Variants in ARID5A observed in about 807,000 individuals in gnomAD.
The protein encoded by ARID5A is AT-rich interactive domain-containing protein 5A.
A neutral mutation model predicts 30.5 loss-of-function variants in ARID5A; 14 were observed. The ratio of observed to expected loss-of-function variants is 0.46; its 90% CI spans 0.30 to 0.72. The LOEUF (loss-of-function observed/expected upper bound fraction) is 0.72. ARID5A is among the 30% of genes least tolerant of loss of function. ARID5A has a pLI of 0.07. For missense variants in ARID5A, 669 were observed against 786.2 expected (o/e 0.85, Z 1.78); for synonymous variants, 338 against 340.4 (o/e 0.99, Z 0.08).
Position 96,550,107 on chromosome 2 carries a change from C to T in ARID5A, c.313-81C>T, listed in dbSNP as rs1332393179. ...CTGCCAAACTGCAGTCCTTCGAGTC[C>T]CTGCGAGGGCGGCCGGAGCTGCAAG... is the stretch of plus-strand genomic sequence containing the variant. On this transcript the variant is annotated intron_variant, in intron 4 of 6. Transcript: ENST00000357485. The surrounding 1 kb of genome is among the most constrained non-coding windows in gnomAD (Gnocchi z 6.6). The T allele has an allele frequency of 4.6e-6, 7 of 1,531,620 alleles. No individual in the cohort carries two copies. The highest frequency in any genetic ancestry group is 1.2e-5 in the South Asian group (1 of 83,790). The allele number at this position is 1,531,620 out of a possible 1,614,324, so 94.9% of individuals were successfully genotyped here.
intron 1 of ARID5A, among the ~76,000 whole-genome samples, chr2:96,543,700 G>T (rs144013165): frequency 1.3e-5 from 2 of 152,072 alleles, no homozygotes; most frequent in Non-Finnish European, 2.9e-5. Context: ...TGGCCTCCCT[G>T]TTGCCTAAGG....
chr2:96,551,407 C>T lies in ARID5A; in HGVS notation c.879C>T (p.His293=). 4.4e-6 allele frequency: 7 copies of T among 1,606,582 alleles called. No individual in the cohort carries two copies. The highest frequency in any genetic ancestry group is 5.9e-6 in the Non-Finnish European group (7 of 1,177,276). ...GAEPQASPAV[H]LPESPQSPKG... Reference sequence around the variant, plus strand: ...AGCCCCAGGCGTCCCCAGCTGTTCACCTCCCAGAGAGTCCCCAGAGCCCCA... The same window carrying T: ...AGCCCCAGGCGTCCCCAGCTGTTCATCTCCCAGAGAGTCCCCAGAGCCCCA... Residue 293 remains histidine (H), a synonymous_variant, in exon 7 of 7, where the codon CAC becomes CAT. Coordinates refer to ENST00000357485, the MANE Select transcript of ARID5A (RefSeq NM_212481.3).
rs1249124382 is a variant in ARID5A at position 96,537,917 on chromosome 2, G to T, written c.4+1087G>T. The stretch of plus-strand genomic sequence containing the variant: ...AAGGAGTGCTCCGCGGGCCCCAGGG[G>T]AGGACAACAGGTGCCTCTTGCCCCA... On this transcript the variant is annotated intron_variant, in intron 1 of 6. Coordinates refer to ENST00000357485, the MANE Select transcript of ARID5A (RefSeq NM_212481.3). This position sits in a 1 kb window ranked among gnomAD's most constrained non-coding sequence, Gnocchi z 4.8. 1.0e-5 allele frequency: 10 copies of T among 985,430 alleles called. No homozygotes were observed. The highest frequency in any genetic ancestry group is 1.2e-5 in the Non-Finnish European group (10 of 830,012). 61.0% of individuals were successfully genotyped at this position (985,430 alleles called of 1,614,324 possible).
In ARID5A at chr2:96,549,925, G is replaced by A; in HGVS notation, c.312+120G>A. 1 of 1,528,962 alleles carries A rather than the reference G, an allele frequency of 6.5e-7. No homozygotes were observed. Among genetic ancestry groups the A allele is most frequent in the Non-Finnish European group, 8.8e-7 (1 of 1,136,188 alleles). The allele number at this position is 1,528,962 out of a possible 1,614,324, so 94.7% of individuals were successfully genotyped here. A position where few individuals can be genotyped will look rare whatever the true frequency, so the allele number is the denominator to read the frequency against. On this transcript the variant is annotated intron_variant, in intron 4 of 6. Transcript: ENST00000357485. This position sits in a 1 kb window ranked among gnomAD's most constrained non-coding sequence, Gnocchi z 6.1. ...TCCCCAGTCCTACCCCTGCGTCCCTGCCTCCCTGCCTTCCCCGCTGGTACT... is the reference window on the plus strand; with the variant it reads ...TCCCCAGTCCTACCCCTGCGTCCCTACCTCCCTGCCTTCCCCGCTGGTACT...
chr2:96,536,841 C>T lies in ARID5A; in HGVS notation c.4+11C>T, dbSNP rs938224231. ...CTCTCCGGGCCATGGGTAAGCGGCT[C>T]TGCGGCGCGGCCCGGACAGGGGCTC... is the stretch of plus-strand genomic sequence containing the variant. On this transcript the variant is annotated intron_variant, in intron 1 of 6. Coordinates refer to ENST00000357485, the MANE Select transcript of ARID5A (RefSeq NM_212481.3). 1.6e-6 allele frequency: 2 copies of T among 1,226,604 alleles called. No homozygotes were observed. Among genetic ancestry groups the T allele is most frequent in the East Asian group, 3.2e-5 (1 of 31,386 alleles). 76.0% of individuals were successfully genotyped at this position (1,226,604 alleles called of 1,614,324 possible). A position where few individuals can be genotyped will look rare whatever the true frequency, so the allele number is the denominator to read the frequency against.
At chr2:96,538,959 G>C (rs1248997902) in intron 1 of ARID5A, among the ~76,000 whole-genome samples, 1 of 152,192 alleles carries the variant, frequency 6.6e-6, no homozygotes. Context: ...GTGTGGCCTT[G>C]TACTAGTCAC....
chr2:96,548,864 G>C (rs2438711), intron 2 of ARID5A, among the ~76,000 whole-genome samples: 148,259 of 152,342 alleles, frequency 0.97, 72,181 homozygotes, highest in East Asian at 1. Flanking sequence ...AGTAACCCCA[G>C]GGCACCAGAA....
Position 96,552,519 on chromosome 2 carries a change from C to T in ARID5A, c.*206C>T. On this transcript the variant is annotated 3_prime_UTR_variant, in exon 7 of 7. Transcript: ENST00000357485. The stretch of plus-strand genomic sequence containing the variant: ...GCAGCCTGAGCCCAGGAGCAGAGGA[C>T]CCAGTTGTTATAAGGCGCTGGGAGA... 1 of 1,533,570 alleles carries T rather than the reference C, an allele frequency of 6.5e-7. No individual in the cohort carries two copies. Among genetic ancestry groups the T allele is most frequent in the Non-Finnish European group, 8.7e-7 (1 of 1,145,638 alleles). 95.0% of individuals were successfully genotyped at this position (1,533,570 alleles called of 1,614,324 possible).
At chr2:96,538,266 G>A in intron 1 of ARID5A, 2 of 985,510 alleles carry the variant, frequency 2.0e-6, no homozygotes, top group African/African-American at 3.5e-5. Context: ...CCCAGACTCC[G>A]TGGGGAGGGA....
chr2:96,545,124 T>C lies in ARID5A; in HGVS notation c.5-2278T>C, dbSNP rs540773141. ...AGAAAGTGACTTTTTTTCTTCTTTT[T>C]TTTTCTTTCCTTTTCTTTTCTTTTT... On this transcript the variant is annotated intron_variant, in intron 1 of 6. Transcript: ENST00000357485. Among the ~76,000 whole-genome samples, 1,256 of 151,916 alleles carry C rather than the reference T, an allele frequency of 8.3e-3. 11 individuals are homozygous for C. The highest frequency in any genetic ancestry group is 0.013 in the Non-Finnish European group (903 of 67,954).
At chr2:96,544,153 G>A (rs2065887599) in intron 1 of ARID5A, among the ~76,000 whole-genome samples, 1 of 152,204 alleles carries the variant, frequency 6.6e-6, no homozygotes, top group South Asian at 2.1e-4. Context: ...TGCTTCATGA[G>A]GTTTAAGGAA....
rs1219277545 is a variant in ARID5A at position 96,551,084 on chromosome 2, T to C, written c.571-15T>C. 11 of 1,600,586 alleles carry C rather than the reference T, an allele frequency of 6.9e-6. No individual in the cohort carries two copies. The African/African-American group carries it at 9.4e-5, about 14-fold the overall frequency. The stretch of plus-strand genomic sequence containing the variant: ...GGCTGAGGCAGTCCTGAGGCAAGAC[T>C]TTCTCTCATTCCAGATGATGCCAGG... On this transcript the variant is annotated splice_polypyrimidine_tract_variant and intron_variant, in intron 6 of 6. Transcript: ENST00000357485.
In ARID5A at chr2:96,552,277, A is replaced by T. The variant is rs1354908948; in HGVS notation, c.1749A>T (p.Ala583=). The change falls in exon 7 of 7, where the codon GCA becomes GCT. Residue 583 remains alanine (A), a synonymous_variant. Transcript: ENST00000357485. ...AWHAPPVTTY[A]APHFFHLNTK... ...ACGCACCACCAGTCACAACCTATGC[A>T]GCGCCCCACTTCTTCCACCTCAACA... 1 of 1,613,008 alleles carries T rather than the reference A, an allele frequency of 6.2e-7. No homozygotes were observed. Among genetic ancestry groups the T allele is most frequent in the Non-Finnish European group, 8.5e-7 (1 of 1,179,764 alleles).
rs761765793 is a variant in ARID5A, at chr2:96,547,390, C to G, written c.5-12C>G. On this transcript the variant is annotated splice_polypyrimidine_tract_variant and intron_variant, in intron 1 of 6. Transcript: ENST00000357485. ...ACCCCTTCCTCCTTACTCCTTCCCT[C>G]TCTCCTTGCAGCAGCCCCTGTCAAA... The G allele has an allele frequency of 5.0e-6, 8 of 1,612,058 alleles. No homozygotes were observed. The highest frequency in any genetic ancestry group is 1.7e-4 in the Middle Eastern group (1 of 6,054).
rs2104646172 is a variant in ARID5A at position 96,536,770 on chromosome 2, T to G, written c.-57T>G. On this transcript the variant is annotated 5_prime_UTR_variant, in exon 1 of 7. Coordinates refer to ENST00000357485, the MANE Select transcript of ARID5A (RefSeq NM_212481.3). ...AGCCAGTATCTCAGAGAGCGCGGGG[T>G]CCGGACAGCCGCGCGCTGAGGGTCT... The G allele has an allele frequency of 3.9e-6, 4 of 1,035,862 alleles. No homozygotes were observed. The highest frequency in any genetic ancestry group is 3.5e-6 in the Non-Finnish European group (3 of 861,854). 64.2% of individuals were successfully genotyped at this position (1,035,862 alleles called of 1,614,324 possible).
In ARID5A at chr2:96,549,183, G is replaced by A; in HGVS notation, c.121-138G>A. On this transcript the variant is annotated intron_variant, in intron 2 of 6. Coordinates refer to ENST00000357485, the MANE Select transcript of ARID5A (RefSeq NM_212481.3). The surrounding 1 kb of genome is among the most constrained non-coding windows in gnomAD (Gnocchi z 6.1). Reference sequence around the variant, plus strand: ...ACCCAGGAACAGTCACTCCCTCCCAGAACAGTGGCTAGGTGTTCTCTGGGA... The same window carrying A: ...ACCCAGGAACAGTCACTCCCTCCCAAAACAGTGGCTAGGTGTTCTCTGGGA... The A allele has an allele frequency of 6.8e-7, 1 of 1,480,978 alleles. No homozygotes were observed. The highest frequency in any genetic ancestry group is 9.0e-7 in the Non-Finnish European group (1 of 1,106,318). 91.7% of individuals were successfully genotyped at this position (1,480,978 alleles called of 1,614,324 possible).
At chr2:96,542,568 C>G (rs60326991) in intron 1 of ARID5A, among the ~76,000 whole-genome samples, 1 of 152,116 alleles carries the variant, frequency 6.6e-6, no homozygotes, top group African/African-American at 2.4e-5. Context: ...TGGCTGCCCA[C>G]TGGGATGCCC....
chr2:96,543,436 A>G (rs1368539372), intron 1 of ARID5A, among the ~76,000 whole-genome samples: 6 of 150,758 alleles, frequency 4.0e-5, no homozygotes, highest in African/African-American at 1.5e-4. Flanking sequence ...GCCATTTTTT[A>G]ACAGCACGTG....
chr2:96,540,093 G>A (rs867320657), intron 1 of ARID5A, among the ~76,000 whole-genome samples: 2 of 152,214 alleles, frequency 1.3e-5, no homozygotes, highest in Admixed American at 6.5e-5. Context: ...GGATGGCTGG[G>A]AAGATTCAGC....
Sources: gnomAD v4.1 joint callset for allele counts (sites outside exome capture counted in the v4.1 genomes callset) on GRCh38, gnomAD v4.1.1 for gene constraint, Gnocchi (gnomAD v3.1) non-coding constraint, MANE v1.5 for transcripts, NCBI Gene and HGNC (gene_info 2026-07-23, HGNC 2026-07-21) for gene names.